SYNE3: variants seen among roughly 807,000 people sequenced by gnomAD.
SYNE3 encodes spectrin repeat containing nuclear envelope family member 3.
In SYNE3, 100 loss-of-function variants were observed where a neutral mutation model predicts 111.2. That is an observed-to-expected ratio of 0.90 (90% CI 0.77 to 1.06). The LOEUF (loss-of-function observed/expected upper bound fraction) is 1.06. Among genes scored for constraint, SYNE3 ranks in the 50% least tolerant of loss-of-function variants. The pLI is 0.00. For missense variants in SYNE3, 1,160 were observed against 1,240.3 expected (o/e 0.94, Z 0.97); for synonymous variants, 547 against 533.9 (o/e 1.02, Z -0.34).
At chr14:95,457,149 CT>C in intron 5 of SYNE3, 27 bp downstream of exon 5, 2 of 1,607,552 alleles carry the variant, frequency 1.2e-6, no homozygotes, top group Non-Finnish European at 1.7e-6. Context: ...CCTAGGGTCC[CT>C]CTGGTTGAGA....
At chr14:95,516,488 T>G (rs1272135901) in intron 1 of SYNE3, among the ~76,000 whole-genome samples, 108 bp downstream of exon 1, 1 of 151,210 alleles carries the variant, frequency 6.6e-6, no homozygotes, top group Non-Finnish European at 1.5e-5. Flanking sequence ...CGCCCCCGAT[T>G]CCCGGGGCTG....
chr14:95,423,470 T>C (rs913140736), intron 17 of SYNE3, among the ~76,000 whole-genome samples: 6 of 151,642 alleles, frequency 4.0e-5, no homozygotes, highest in Non-Finnish European at 8.8e-5. Flanking sequence ...CATGATGCTT[T>C]TTGCTGATAG....
intron 1 of SYNE3, among the ~76,000 whole-genome samples, chr14:95,480,394 A>ATT (rs140796399): frequency 2.0e-5 from 3 of 151,652 alleles, no homozygotes; most frequent in African/African-American, 4.8e-5. Flanking sequence ...AAGAGAAGTG[A>ATT]TTTTTTTTTC....
At chr14:95,448,343 G>A (rs1886841059) in intron 8 of SYNE3, among the ~76,000 whole-genome samples, 1 of 152,230 alleles carries the variant, frequency 6.6e-6, no homozygotes, top group African/African-American at 2.4e-5. Flanking sequence ...AGGGCTGGGA[G>A]AAGGGGCCCA....
chr14:95,477,446 T>C (rs1285609256), intron 1 of SYNE3, among the ~76,000 whole-genome samples: 1 of 152,236 alleles, frequency 6.6e-6, no homozygotes, highest in Non-Finnish European at 1.5e-5. Context: ...GAATTTACTT[T>C]ACAATTTTTA....
intron 2 of SYNE3, among the ~76,000 whole-genome samples, chr14:95,468,392 C>T (rs1595228403): frequency 6.6e-6 from 1 of 152,230 alleles, no homozygotes; most frequent in African/African-American, 2.4e-5. Context: ...GCATCTACCT[C>T]TCAGGGGGAC....
intron 17 of SYNE3, among the ~76,000 whole-genome samples, chr14:95,425,573 T>C (rs1049486013): frequency 6.6e-6 from 1 of 152,144 alleles, no homozygotes; most frequent in African/African-American, 2.4e-5. Context: ...ATACCAAGAG[T>C]TGGCGCTCAT....
chr14:95,454,188 G>A (rs1482980032), intron 6 of SYNE3, among the ~76,000 whole-genome samples: 1 of 152,268 alleles, frequency 6.6e-6, no homozygotes, highest in Non-Finnish European at 1.5e-5. Flanking sequence ...CAGTCCCAGG[G>A]GGGATGGATC....
chr14:95,417,492 A>C lies in SYNE3; in HGVS notation c.*334T>G. 2.9e-6 allele frequency: 1 copy of C among 345,900 alleles called. No homozygotes were observed. The highest frequency in any genetic ancestry group is 3.1e-5 in the South Asian group (1 of 31,892). The allele number at this position is 345,900 out of a possible 1,614,324, so 21.4% of individuals were successfully genotyped here. ...GCAGACCAAGTCAACAATACCACAA[A>C]ATCCCATTGGAGGGAGCCATTGCTA... On this transcript the variant is annotated 3_prime_UTR_variant, in exon 18 of 18. Coordinates refer to ENST00000682763, the MANE Select transcript of SYNE3 (RefSeq NM_152592.6).
Position 95,408,738 on chromosome 14 carries a change from CTCTGTCCGCTT to C in SYNE3, c.*9077_*9087del. 5.2e-6 allele frequency: 1 copy of C among 190,492 alleles called. No individual in the cohort carries two copies. Among genetic ancestry groups the C allele is most frequent in the Admixed American group, 5.6e-5 (1 of 17,824 alleles). 11.8% of individuals were successfully genotyped at this position (190,492 alleles called of 1,614,324 possible). A position where few individuals can be genotyped will look rare whatever the true frequency, so the allele number is the denominator to read the frequency against. On this transcript the variant is annotated 3_prime_UTR_variant, in exon 18 of 18. Coordinates refer to ENST00000682763, the MANE Select transcript of SYNE3 (RefSeq NM_152592.6). ...CCCCTTCACATGCACACACAGCTTC[CTCTGTCCGCTT>C]CCTCCTCCCCAGTAAAACTTCTGGA...
At chr14:95,422,873 T>C (rs912470589) in intron 17 of SYNE3, among the ~76,000 whole-genome samples, 2 of 152,150 alleles carry the variant, frequency 1.3e-5, no homozygotes, top group African/African-American at 4.8e-5. Context: ...AGGAAGGGGG[T>C]GTGGCCAGGA....
intron 1 of SYNE3, among the ~76,000 whole-genome samples, chr14:95,501,541 C>T (rs182704863): frequency 3.3e-5 from 5 of 152,306 alleles, no homozygotes; most frequent in African/African-American, 4.8e-5. Flanking sequence ...ACAGCGCATG[C>T]GGAAGAAAGA....
chr14:95,456,725 C>T (rs1451777547), intron 5 of SYNE3, among the ~76,000 whole-genome samples: 1 of 152,182 alleles, frequency 6.6e-6, no homozygotes, highest in Non-Finnish European at 1.5e-5. Flanking sequence ...CACTTCTCCT[C>T]ACGGGGGTCT....
At chr14:95,464,177 G>C (rs1243245412) in intron 4 of SYNE3, among the ~76,000 whole-genome samples, 1 of 152,236 alleles carries the variant, frequency 6.6e-6, no homozygotes, top group Non-Finnish European at 1.5e-5. Flanking sequence ...TAGAGAGCCA[G>C]AAATGCCAGA....
Position 95,436,881 on chromosome 14 carries a change from C to G in SYNE3, c.2477G>C (p.Arg826Thr), listed in dbSNP as rs1264838262. ...WLQVENSKLVRIIAMRTSTAE... is the reference protein window; with the variant it reads ...WLQVENSKLVTIIAMRTSTAE... ...TGTAGAAGTTCTCATTGCGATGATT[C>G]TAACCAGCTTGGAGTTTTCCACCTG... is the stretch of plus-strand genomic sequence containing the variant. Residue 826 changes from arginine to threonine, a missense_variant, in exon 15 of 18, where the codon AGA becomes ACA. Transcript: ENST00000682763. 1 of 1,614,068 alleles carries G rather than the reference C, an allele frequency of 6.2e-7. No homozygotes were observed. Among genetic ancestry groups the G allele is most frequent in the African/African-American group, 1.3e-5 (1 of 74,918 alleles).
intron 1 of SYNE3, among the ~76,000 whole-genome samples, chr14:95,490,801 C>T (rs978493739): frequency 2.6e-5 from 4 of 152,240 alleles, no homozygotes; most frequent in Admixed American, 2.0e-4. Flanking sequence ...GGCCTGTGGC[C>T]CTATCGGCAA....
chr14:95,487,429 C>T (rs768568969), intron 1 of SYNE3, among the ~76,000 whole-genome samples: 2 of 152,140 alleles, frequency 1.3e-5, no homozygotes, highest in Non-Finnish European at 2.9e-5. Flanking sequence ...ACCGCGATGC[C>T]GTGTTTCACT....
At chr14:95,419,889 T>TTGCG (rs879741147) in intron 17 of SYNE3, among the ~76,000 whole-genome samples, 16,056 of 111,062 alleles carry the variant, frequency 0.14, 1,773 homozygotes, top group Middle Eastern at 0.2. Context: ...ATGATGATGA[T>TTGCG]AGTGATGGTG....
chr14:95,478,668 C>T (rs1020211986), intron 1 of SYNE3, among the ~76,000 whole-genome samples: 4 of 152,334 alleles, frequency 2.6e-5, no homozygotes, highest in Middle Eastern at 6.8e-3. Context: ...CAGAGGTATA[C>T]TCTTCCTGTA....
Sources: gnomAD v4.1 joint callset for allele counts (sites outside exome capture counted in the v4.1 genomes callset) on GRCh38, gnomAD v4.1.1 for gene constraint, MANE v1.5 for transcripts, NCBI Gene and HGNC (gene_info 2026-07-23, HGNC 2026-07-21) for gene names.